Variants in CFAP20DC observed in about 807,000 individuals in gnomAD.
CFAP20DC encodes protein CFAP20DC.
Under a neutral mutation model 101.7 loss-of-function variants are expected in CFAP20DC, and 84 were observed. The ratio of observed to expected loss-of-function variants is 0.83; its 90% CI spans 0.69 to 0.99. CFAP20DC has a LOEUF of 0.99. CFAP20DC is among the 50% of genes least tolerant of loss of function. CFAP20DC has a pLI of 0.00. For synonymous variants in CFAP20DC, 359 were observed against 351.2 expected (o/e 1.02, Z -0.25); for missense variants, 1,007 against 970.3 (o/e 1.04, Z -0.50).
intron 15 of CFAP20DC, among the ~76,000 whole-genome samples, chr3:58,793,608 C>A (rs997970654): frequency 1.4e-4 from 22 of 152,130 alleles, no homozygotes; most frequent in African/African-American, 5.3e-4. Context: ...ATGTAATTTT[C>A]TTTCAATGTT....
At position 59,015,493 on chromosome 3, in the gene CFAP20DC, AAG is replaced by A. The variant is rs983309653; in HGVS notation, c.278+24062_278+24063del. On this transcript the variant is annotated intron_variant, in intron 4 of 16. Transcript: ENST00000482387. The surrounding 1 kb of genome is among the most constrained non-coding windows in gnomAD (Gnocchi z 5.4). ...AAGGATGAGGGAGAAAAGGAAGAGA[AAG>A]AAGAAACAAAATGGCAGAAAAGGGG... Among the ~76,000 whole-genome samples the A allele has an allele frequency of 5.9e-5, 9 of 151,858 alleles. No individual in the cohort carries two copies. The highest frequency in any genetic ancestry group is 2.2e-4 in the African/African-American group (9 of 41,344).
intron 6 of CFAP20DC, among the ~76,000 whole-genome samples, chr3:58,910,327 A>G (rs1423265071): frequency 6.6e-6 from 1 of 152,128 alleles, no homozygotes; most frequent in Non-Finnish European, 1.5e-5. Flanking sequence ...GATGTAAATA[A>G]ATTTTTGAGG....
intron 3 of CFAP20DC, among the ~76,000 whole-genome samples, chr3:58,735,533 GAAGAGCAATA>G (rs1161246356): frequency 3.3e-5 from 5 of 152,214 alleles, no homozygotes; most frequent in Admixed American, 6.5e-5. Flanking sequence ...AGGAAGTGAA[GAAGAGCAATA>G]AAGACAAGAA....
At chr3:58,919,156 TTG>T (rs1278643741) in intron 5 of CFAP20DC, among the ~76,000 whole-genome samples, 1 of 152,168 alleles carries the variant, frequency 6.6e-6, no homozygotes, top group African/African-American at 2.4e-5. Flanking sequence ...CTTAGATGAT[TTG>T]TGTTTGTTCT....
At chr3:58,867,705 T>G in intron 10 of CFAP20DC, 112 bp downstream of exon 10, 5 of 1,300,702 alleles carry the variant, frequency 3.8e-6, no homozygotes, top group Non-Finnish European at 4.3e-6. Flanking sequence ...AACAGACATT[T>G]ATATTTTAAA....
At chr3:58,929,235 T>G (rs898728718) in intron 5 of CFAP20DC, among the ~76,000 whole-genome samples, 5 of 152,214 alleles carry the variant, frequency 3.3e-5, no homozygotes, top group African/African-American at 9.6e-5. Flanking sequence ...TTTTCATGAA[T>G]GTGCACTATG....
intron 16 of CFAP20DC, among the ~76,000 whole-genome samples, chr3:58,752,095 T>TTAAG (rs1370200791): frequency 6.6e-6 from 1 of 152,118 alleles, no homozygotes; most frequent in Non-Finnish European, 1.5e-5. Context: ...AGCATACTGG[T>TTAAG]TAAGTATGGA....
intron 16 of CFAP20DC, among the ~76,000 whole-genome samples, chr3:58,744,222 A>G (rs1311971727): frequency 2.6e-5 from 4 of 152,138 alleles, no homozygotes; most frequent in Non-Finnish European, 5.9e-5. Context: ...TGCCCATTTT[A>G]TAGATGAGGA....
intron 14 of CFAP20DC, among the ~76,000 whole-genome samples, chr3:58,817,574 A>G (rs1482577557): frequency 2.1e-5 from 3 of 144,336 alleles, no homozygotes; most frequent in Non-Finnish European, 1.5e-5. Flanking sequence ...ATGAAGCGAG[A>G]AGGGAAGTTT....
chr3:58,759,652 G>A (rs1158709498), intron 15 of CFAP20DC, among the ~76,000 whole-genome samples: 1 of 152,158 alleles, frequency 6.6e-6, no homozygotes, highest in Non-Finnish European at 1.5e-5. Flanking sequence ...TTCTTCTAGG[G>A]TTTTTATGGT....
Position 58,806,414 on chromosome 3 carries a change from G to C in CFAP20DC, c.2218C>G (p.Pro740Ala). The change falls in exon 15 of 17, where the codon CCT (proline) becomes GCT (alanine). Residue 740 changes from proline to alanine, a missense_variant. Transcript: ENST00000482387. Reference protein sequence around the residue: ...GRHYQKEMNPPSPSNPRDWLN... With the variant: ...GRHYQKEMNPASPSNPRDWLN... ...TCTTACCGGGGATTAGAAGGAGAAG[G>C]TGGGTTCATTTCTTTCTGATAGTGG... 1 of 1,609,034 alleles carries C rather than the reference G, an allele frequency of 6.2e-7. No homozygotes were observed. Among genetic ancestry groups the C allele is most frequent in the Non-Finnish European group, 8.5e-7 (1 of 1,175,392 alleles).
At position 58,970,463 on chromosome 3, in the gene CFAP20DC, T is replaced by C. The variant is rs866319104; in HGVS notation, c.279-32701A>G. 5.3e-5 allele frequency: 8 copies of C among 152,144 alleles called. No individual in the cohort carries two copies. In the South Asian group the frequency reaches 1.0e-3, roughly 20 times the overall value. The allele number at this position is 152,144 out of a possible 1,614,324, so 9.4% of individuals were successfully genotyped here. On this transcript the variant is annotated intron_variant, in intron 4 of 16. Transcript: ENST00000482387. ...AAGGAATCCGAAAGACTGCTGGCAA[T>C]TGCCAGAGACTAGGACAGAGGGATG...
chr3:58,741,658 G>A (rs369198179), downstream of CFAP20DC, among the ~76,000 whole-genome samples: 11 of 152,014 alleles, frequency 7.2e-5, no homozygotes, highest in Middle Eastern at 6.8e-3. Context: ...CACCACACCC[G>A]GCTAATTTTT....
At chr3:58,931,004 TC>T (rs1473158657) in intron 5 of CFAP20DC, among the ~76,000 whole-genome samples, 1 of 152,098 alleles carries the variant, frequency 6.6e-6, no homozygotes, top group Non-Finnish European at 1.5e-5. Context: ...GTCAGGGAGT[TC>T]CCTTTCCTAG....
intron 4 of CFAP20DC, among the ~76,000 whole-genome samples, chr3:58,976,115 T>C (rs1020998681): frequency 2.0e-5 from 3 of 152,224 alleles, no homozygotes; most frequent in Admixed American, 2.0e-4. Flanking sequence ...CACCACATTA[T>C]TTTTAAAGGC....
rs534246259 is a variant in CFAP20DC, at chr3:58,849,041, G to A, written c.1962C>T (p.Pro654=). 2.8e-4 allele frequency: 435 copies of A among 1,535,412 alleles called. 1 individual carries two copies. The African/African-American group carries it at 3.4e-3, about 12-fold the overall frequency. The part of the protein sequence containing the change: ...EISGERLSSI[P]EASEYDWRNY... ...CACGGGAACCACTTACAGATGCTTC[G>A]GGGATCGAGCTCAGCCTTTCCCCTG... The change falls in exon 13 of 17, where the codon CCC becomes CCT. Residue 654 remains proline, a synonymous_variant. Transcript: ENST00000482387.
At position 58,722,904 on chromosome 3, in the gene CFAP20DC, A is replaced by C. The variant is rs1048096476; in HGVS notation, c.198-5276T>G. On this transcript the variant is annotated intron_variant, in intron 3 of 3. Transcript: ENST00000486145. The surrounding 1 kb of genome is among the most constrained non-coding windows in gnomAD (Gnocchi z 4.5). Reference sequence around the variant, plus strand: ...TGGTCTGATTCAAATTCACCTTTCAAATCTTTACCTTGTCAATTTTGGTAA... The same window carrying C: ...TGGTCTGATTCAAATTCACCTTTCACATCTTTACCTTGTCAATTTTGGTAA... Among the ~76,000 whole-genome samples, 1 of 152,184 alleles carries C rather than the reference A, an allele frequency of 6.6e-6. No individual in the cohort carries two copies. Among genetic ancestry groups the C allele is most frequent in the Non-Finnish European group, 1.5e-5 (1 of 68,026 alleles).
At chr3:58,810,086 A>G (rs1236620124) in intron 14 of CFAP20DC, among the ~76,000 whole-genome samples, 1 of 152,214 alleles carries the variant, frequency 6.6e-6, no homozygotes, top group Non-Finnish European at 1.5e-5. Flanking sequence ...AAAAGAATCC[A>G]GGACCAGATG....
chr3:58,767,208 G>A (rs999552968), intron 15 of CFAP20DC, among the ~76,000 whole-genome samples: 2 of 152,152 alleles, frequency 1.3e-5, no homozygotes, highest in Admixed American at 6.6e-5. Context: ...TAATGCTGCT[G>A]TTGTAACCCA....
Sources: gnomAD v4.1 joint callset for allele counts (sites outside exome capture counted in the v4.1 genomes callset) on GRCh38, gnomAD v4.1.1 for gene constraint, Gnocchi (gnomAD v3.1) non-coding constraint, MANE v1.5 for transcripts, NCBI Gene and HGNC (gene_info 2026-07-23, HGNC 2026-07-21) for gene names.